Variants in WDFY4 observed in about 807,000 individuals in gnomAD.
WDFY4 encodes the protein WDFY family member 4.
Under a neutral mutation model 351.9 loss-of-function variants are expected in WDFY4, and 169 were observed. The observed-to-expected ratio is 0.48, with a 90% CI of 0.42 to 0.55. The LOEUF (loss-of-function observed/expected upper bound fraction) is 0.55. Ranked by LOEUF, WDFY4 falls within the 20% of genes least tolerant of loss-of-function variation. The probability of loss-of-function intolerance (pLI) is 0.00; values close to 1 mark genes in which losing one functional copy is unlikely to be tolerated. For synonymous variants in WDFY4, 1,622 were observed against 1,574.6 expected (o/e 1.03, Z -0.71); for missense variants, 3,803 against 3,935.6 (o/e 0.97, Z 0.90).
intron 54 of WDFY4, 114 bp downstream of exon 54, chr10:48,964,168 C>T (rs1356039598): frequency 8.6e-7 from 1 of 1,160,896 alleles, no homozygotes. Context: ...AATGGTCCCC[C>T]ATCATCTTCC....
intron 47 of WDFY4, chr10:48,910,941 T>C (rs1477231390): frequency 2.0e-6 from 2 of 982,854 alleles, no homozygotes; most frequent in Non-Finnish European, 2.4e-6. Flanking sequence ...ACCTTTTGAA[T>C]ACCTAAGGAG....
At chr10:48,700,311 T>C (rs2063443688) in intron 1 of WDFY4, among the ~76,000 whole-genome samples, 1 of 152,198 alleles carries the variant, frequency 6.6e-6, no homozygotes, top group Non-Finnish European at 1.5e-5. Context: ...TAGACTGTGC[T>C]TTGGGGGCCC....
chr10:48,952,839 C>T (rs1287814154), intron 51 of WDFY4, among the ~76,000 whole-genome samples: 4 of 152,204 alleles, frequency 2.6e-5, no homozygotes, highest in South Asian at 2.1e-4. Flanking sequence ...GGCTTCCCAA[C>T]GCCATGAGGG....
intron 39 of WDFY4, among the ~76,000 whole-genome samples, chr10:48,849,053 C>T (rs1427909161): frequency 6.6e-6 from 1 of 152,136 alleles, no homozygotes; most frequent in Non-Finnish European, 1.5e-5. Flanking sequence ...GGGGGATCCC[C>T]TGAGTTTAAC....
chr10:48,710,019 C>T, intron 2 of WDFY4, 53 bp downstream of exon 2: 2 of 1,448,624 alleles, frequency 1.4e-6, no homozygotes, highest in Non-Finnish European at 9.3e-7. Context: ...TGGGACACTT[C>T]TGGGATGATT....
intron 44 of WDFY4, among the ~76,000 whole-genome samples, chr10:48,895,706 T>C (rs886732379): frequency 6.6e-6 from 1 of 152,230 alleles, no homozygotes; most frequent in African/African-American, 2.4e-5. Flanking sequence ...TACAAATTGT[T>C]CTCTTTGGGA....
intron 19 of WDFY4, among the ~76,000 whole-genome samples, chr10:48,785,620 T>A (rs1171808152): frequency 6.6e-6 from 1 of 152,232 alleles, no homozygotes; most frequent in Non-Finnish European, 1.5e-5. Context: ...TGCTTTTGCA[T>A]CTTTGTCAAA....
chr10:48,731,653 A>C, intron 9 of WDFY4, 91 bp downstream of exon 9: 1 of 1,386,668 alleles, frequency 7.2e-7, no homozygotes, highest in African/African-American at 1.4e-5. Context: ...CAAATGCAAC[A>C]GAAAGTGAGC....
intron 2 of WDFY4, among the ~76,000 whole-genome samples, chr10:48,710,730 G>A (rs2063747418): frequency 6.6e-6 from 1 of 152,236 alleles, no homozygotes; most frequent in Admixed American, 6.5e-5. Flanking sequence ...ATAATGCAAA[G>A]TGAGGTAAAA....
chr10:48,975,392 G>A (rs1842523500), intron 58 of WDFY4, among the ~76,000 whole-genome samples: 1 of 152,136 alleles, frequency 6.6e-6, no homozygotes. Context: ...GGCAGGTTTG[G>A]TCTTCATGGC....
At chr10:48,766,063 A>G (rs1047314670) in intron 13 of WDFY4, among the ~76,000 whole-genome samples, 1 of 152,262 alleles carries the variant, frequency 6.6e-6, no homozygotes, top group Non-Finnish European at 1.5e-5. Flanking sequence ...CCTGGATAGC[A>G]TTGCATAAGG....
intron 11 of WDFY4, among the ~76,000 whole-genome samples, chr10:48,742,753 A>T (rs958405489): frequency 2.0e-5 from 3 of 152,232 alleles, no homozygotes; most frequent in Non-Finnish European, 2.9e-5. Flanking sequence ...AGTTAAATCA[A>T]CCGTATAGAT....
At chr10:48,968,819 G>A (rs769484385) in intron 55 of WDFY4, 90 of 507,178 alleles carry the variant, frequency 1.8e-4, no homozygotes, top group Non-Finnish European at 2.9e-4. Flanking sequence ...AGGGAGGATG[G>A]GAATTGTGCC....
intron 43 of WDFY4, among the ~76,000 whole-genome samples, chr10:48,888,608 G>A (rs777972864): frequency 6.6e-6 from 1 of 152,038 alleles, no homozygotes; most frequent in Non-Finnish European, 1.5e-5. Flanking sequence ...GCCATGCTAA[G>A]GTACCTAAGA....
At chr10:48,773,019 G>A (rs1169798827) in intron 13 of WDFY4, among the ~76,000 whole-genome samples, 1 of 152,084 alleles carries the variant, frequency 6.6e-6, no homozygotes, top group Non-Finnish European at 1.5e-5. Flanking sequence ...GTGTGCATGT[G>A]TCTTTATAGC....
At chr10:48,851,886 GC>G (rs1472390175) in intron 39 of WDFY4, among the ~76,000 whole-genome samples, 1 of 152,226 alleles carries the variant, frequency 6.6e-6, no homozygotes, top group Non-Finnish European at 1.5e-5. Flanking sequence ...TGCAGCCAAG[GC>G]CCTGAGGAGG....
intron 46 of WDFY4, among the ~76,000 whole-genome samples, chr10:48,901,291 A>G (rs991020608): frequency 2.6e-5 from 4 of 152,240 alleles, no homozygotes; most frequent in African/African-American, 7.2e-5. Context: ...GCAGACATAC[A>G]ACCCATTAAA....
chr10:48,805,039 C>T (rs1464432988), intron 25 of WDFY4, among the ~76,000 whole-genome samples: 4 of 150,964 alleles, frequency 2.6e-5, no homozygotes, highest in Admixed American at 6.6e-5. Flanking sequence ...AGGTGGTTTC[C>T]GGGGGGCGGA....
intron 39 of WDFY4, among the ~76,000 whole-genome samples, chr10:48,853,258 G>A (rs116466026): frequency 0.011 from 1,623 of 152,226 alleles, 27 homozygotes; most frequent in African/African-American, 0.037. Flanking sequence ...CCACATGGCT[G>A]TGGACCCCTC....
Sources: gnomAD v4.1 joint callset for allele counts (sites outside exome capture counted in the v4.1 genomes callset) on GRCh38, gnomAD v4.1.1 for gene constraint, MANE v1.5 for transcripts, NCBI Gene and HGNC (gene_info 2026-07-23, HGNC 2026-07-21) for gene names.